The following GASK1B variants were observed in gnomAD, a reference collection of about 807,000 sequenced individuals.
GASK1B encodes the protein golgi associated kinase 1B.
Under a neutral mutation model 42.8 loss-of-function variants are expected in GASK1B, and 34 were observed. The ratio of observed to expected loss-of-function variants is 0.79; its 90% CI spans 0.60 to 1.06. GASK1B has a LOEUF of 1.06. Ranked by LOEUF, GASK1B falls within the 50% of genes least tolerant of loss-of-function variation. GASK1B has a pLI of 0.00. For synonymous variants in GASK1B, 262 were observed against 259.1 expected (o/e 1.01, Z -0.11); for missense variants, 686 against 661.0 (o/e 1.04, Z -0.42).
intron 2 of GASK1B, among the ~76,000 whole-genome samples, chr4:158,167,827 A>C (rs1296072916): frequency 1.3e-5 from 2 of 152,190 alleles, no homozygotes; most frequent in African/African-American, 4.8e-5. Flanking sequence ...GGCTCAAATA[A>C]AGTCAAACTC....
chr4:158,136,522 C>G (rs1296202144), intron 3 of GASK1B, among the ~76,000 whole-genome samples: 1 of 152,166 alleles, frequency 6.6e-6, no homozygotes, highest in African/African-American at 2.4e-5. Flanking sequence ...GCAGAATGTG[C>G]TTGACAGCTA....
At chr4:158,154,034 G>T (rs1051004912) in intron 3 of GASK1B, among the ~76,000 whole-genome samples, 2 of 151,876 alleles carry the variant, frequency 1.3e-5, no homozygotes, top group African/African-American at 2.4e-5. Context: ...AAATTAAAAG[G>T]CTTCTGCATA....
At chr4:158,151,557 A>G (rs369767103) in intron 3 of GASK1B, among the ~76,000 whole-genome samples, 18 of 152,314 alleles carry the variant, frequency 1.2e-4, no homozygotes, top group East Asian at 5.8e-4. Flanking sequence ...GATAATGTGA[A>G]CCAAAAATAA....
chr4:158,131,931 T>C (rs1377019735), intron 3 of GASK1B, among the ~76,000 whole-genome samples: 2 of 152,162 alleles, frequency 1.3e-5, no homozygotes, highest in Non-Finnish European at 2.9e-5. Context: ...CCTCTGTCCC[T>C]GTCCCAAGCA....
intron 2 of GASK1B, among the ~76,000 whole-genome samples, chr4:158,166,308 T>C (rs934581434): frequency 6.6e-6 from 1 of 152,186 alleles, no homozygotes; most frequent in African/African-American, 2.4e-5. Context: ...CAAGATCTTG[T>C]CCCAGATTAA....
Position 158,170,823 on chromosome 4 carries a change from C to A in GASK1B, c.553G>T (p.Gly185Cys), listed in dbSNP as rs1179477365. Residue 185 changes from glycine to cysteine, a missense_variant, in exon 2 of 5, where the codon GGT becomes TGT. Gly to Cys is a radical substitution (Grantham distance 159). Coordinates refer to ENST00000585682, the MANE Select transcript of GASK1B (RefSeq NM_001128424.2). ...IGERPWRLVR[G>C]PGVRAGGPDF... ...GGGCCCCCGGCTCGCACTCCCGGAC[C>A]CCGCACCAACCTCCAGGGTCGCTCT... is the stretch of plus-strand genomic sequence containing the variant. 6.2e-7 allele frequency: 1 copy of A among 1,614,178 alleles called. No individual in the cohort carries two copies. The highest frequency in any genetic ancestry group is 1.1e-5 in the South Asian group (1 of 91,082).
chr4:158,150,717 G>A (rs565352991), intron 3 of GASK1B, among the ~76,000 whole-genome samples: 2 of 152,244 alleles, frequency 1.3e-5, no homozygotes. Context: ...TAATAAAATG[G>A]AATAATGAGA....
At chr4:158,167,483 T>C (rs962386141) in intron 2 of GASK1B, among the ~76,000 whole-genome samples, 7 of 152,180 alleles carry the variant, frequency 4.6e-5, no homozygotes, top group Admixed American at 3.9e-4. Flanking sequence ...AAAATGTTAT[T>C]ACACGTCCTA....
intron 2 of GASK1B, chr4:158,169,449 G>A (rs1732367849): frequency 2.0e-5 from 3 of 152,204 alleles, no homozygotes; most frequent in Admixed American, 2.0e-4. Context: ...CATTGGAAAT[G>A]CAGTTGGGTC....
At chr4:158,163,738 T>C (rs1732121017) in intron 2 of GASK1B, among the ~76,000 whole-genome samples, 1 of 152,114 alleles carries the variant, frequency 6.6e-6, no homozygotes, top group Admixed American at 6.5e-5. Context: ...AAATATTAAG[T>C]AACTTATCCC....
chr4:158,166,399 CTT>C (rs1169968587), intron 2 of GASK1B, among the ~76,000 whole-genome samples: 2 of 152,192 alleles, frequency 1.3e-5, no homozygotes, highest in Non-Finnish European at 2.9e-5. Flanking sequence ...AATTGGAACT[CTT>C]TGTCATTTGA....
chr4:158,136,359 G>A (rs748116934), intron 3 of GASK1B, among the ~76,000 whole-genome samples: 1 of 151,772 alleles, frequency 6.6e-6, no homozygotes, highest in Non-Finnish European at 1.5e-5. Context: ...CCCAGAAAAT[G>A]CACTGTGCCT....
chr4:158,129,523 G>A lies in GASK1B; in HGVS notation c.1352+1263C>T, dbSNP rs75987363. On this transcript the variant is annotated intron_variant, in intron 4 of 4. Transcript: ENST00000585682. ...CAACAGTATTGCTCTTAATGCTAAAGTACATAAAATCCACACCATGTAAGT... is the reference window on the plus strand; with the variant it reads ...CAACAGTATTGCTCTTAATGCTAAAATACATAAAATCCACACCATGTAAGT... Among the ~76,000 whole-genome samples, 6 of 152,222 alleles carry A rather than the reference G, an allele frequency of 3.9e-5. No individual in the cohort carries two copies. In the East Asian group the frequency reaches 1.2e-3, roughly 29 times the overall value.
At chr4:158,169,456 G>C (rs547714861) in intron 2 of GASK1B, 5 of 152,132 alleles carry the variant, frequency 3.3e-5, no homozygotes, top group African/African-American at 1.2e-4. Context: ...AATGCAGTTG[G>C]GTCTCAGCCA....
At chr4:158,146,072 G>C (rs1731318530) in intron 3 of GASK1B, among the ~76,000 whole-genome samples, 1 of 151,864 alleles carries the variant, frequency 6.6e-6, no homozygotes, top group Admixed American at 6.6e-5. Flanking sequence ...TGTATTGTGA[G>C]AGCACTTTAT....
chr4:158,158,429 C>T (rs1316290390), intron 2 of GASK1B, among the ~76,000 whole-genome samples: 1 of 151,884 alleles, frequency 6.6e-6, no homozygotes, highest in East Asian at 1.9e-4. Flanking sequence ...AAGTTTTTTG[C>T]TTTCATGGAG....
intron 3 of GASK1B, 148 bp from the exon 4 acceptor site, chr4:158,131,160 A>T: frequency 3.0e-6 from 2 of 655,768 alleles, no homozygotes; most frequent in East Asian, 5.4e-5. Flanking sequence ...CAACTGTCAG[A>T]ACAAGTCCAA....
intron 3 of GASK1B, among the ~76,000 whole-genome samples, chr4:158,144,710 G>A (rs1189986320): frequency 1.3e-5 from 2 of 152,138 alleles, no homozygotes; most frequent in Non-Finnish European, 2.9e-5. Flanking sequence ...AGTTCAGCAT[G>A]CTACCCAATA....
In GASK1B at chr4:158,127,227, C is replaced by G. The variant is rs1730489960; in HGVS notation, c.*180G>C. The G allele has an allele frequency of 2.2e-6, 1 of 447,938 alleles. No individual in the cohort carries two copies. Among genetic ancestry groups the G allele is most frequent in the Non-Finnish European group, 3.9e-6 (1 of 254,358 alleles). 27.7% of individuals were successfully genotyped at this position (447,938 alleles called of 1,614,324 possible). The stretch of plus-strand genomic sequence containing the variant: ...TTCTCAAGTAGTTTGTTTTTCAAAA[C>G]CTTTTTAAGTATGCATACAGTGCTA... On this transcript the variant is annotated 3_prime_UTR_variant, in exon 5 of 5. Transcript: ENST00000585682.
Sources: allele counts gnomAD v4.1 joint callset (sites outside exome capture counted in the v4.1 genomes callset), GRCh38; gene constraint gnomAD v4.1.1; transcripts MANE v1.5; gene names NCBI Gene and HGNC (gene_info 2026-07-23, HGNC 2026-07-21).